EBF1: variants seen among roughly 807,000 people sequenced by gnomAD.
EBF1 encodes the protein EBF transcription factor 1, also known as transcription factor COE1.
In EBF1, 10 loss-of-function variants were observed where a neutral mutation model predicts 68.4. The observed-to-expected ratio is 0.15, with a 90% confidence interval of 0.09 to 0.25. EBF1 has a LOEUF of 0.25. EBF1 is among the 10% of genes least tolerant of loss of function. The pLI, the probability that EBF1 is intolerant of heterozygous loss-of-function variation, is 1.00. For synonymous variants in EBF1, 298 were observed against 299.8 expected (o/e 0.99, Z 0.06); for missense variants, 509 against 794.4 (o/e 0.64, Z 4.32).
At chr5:159,056,197 C>A (rs1774696151) in intron 6 of EBF1, among the ~76,000 whole-genome samples, 1 of 152,098 alleles carries the variant, frequency 6.6e-6, no homozygotes, top group Non-Finnish European at 1.5e-5. Flanking sequence ...AAAATTCCAC[C>A]TTTTAAAATT....
intron 6 of EBF1, among the ~76,000 whole-genome samples, chr5:158,959,984 T>G (rs924867741): frequency 6.6e-6 from 1 of 152,146 alleles, no homozygotes; most frequent in Admixed American, 6.5e-5. Context: ...AATAGCAGAA[T>G]TGACACCTAC....
intron 6 of EBF1, among the ~76,000 whole-genome samples, chr5:158,870,035 G>A (rs1368915732): frequency 6.6e-6 from 1 of 152,126 alleles, no homozygotes; most frequent in Non-Finnish European, 1.5e-5. Context: ...CTGCCACTGT[G>A]TATCAACAAG....
At chr5:158,882,364 C>T (rs1799056807) in intron 6 of EBF1, among the ~76,000 whole-genome samples, 1 of 152,138 alleles carries the variant, frequency 6.6e-6, no homozygotes, top group South Asian at 2.1e-4. Context: ...TGCTCATTGT[C>T]ACAGGAAAAA....
Position 158,698,860 on chromosome 5 carries a change from G to T in EBF1, c.*251C>A, listed in dbSNP as rs1581119302. ...AAAAAGAAAAAGTGGATTTGCTTTT[G>T]TCAATACAGAATAAATATATCCCCC... On this transcript the variant is annotated 3_prime_UTR_variant, in exon 16 of 16. Transcript: ENST00000313708. 1.6e-5 allele frequency: 6 copies of T among 372,540 alleles called. No homozygotes were observed. The highest frequency in any genetic ancestry group is 3.9e-5 in the East Asian group (1 of 25,940). 23.1% of individuals were successfully genotyped at this position (372,540 alleles called of 1,614,324 possible).
chr5:159,084,781 T>C, intron 4 of EBF1, 42 bp from the exon 5 acceptor site: 1 of 1,464,504 alleles, frequency 6.8e-7, no homozygotes, highest in South Asian at 1.3e-5. Flanking sequence ...TGGAAAGGAG[T>C]AGCAGAAAAA....
chr5:159,090,439 G>A (rs1781430670), intron 4 of EBF1, among the ~76,000 whole-genome samples: 2 of 152,078 alleles, frequency 1.3e-5, no homozygotes, highest in African/African-American at 2.4e-5. Flanking sequence ...GCTTCAATTA[G>A]CAGCTTGGCT....
chr5:158,817,416 A>G (rs1783973773), intron 8 of EBF1, among the ~76,000 whole-genome samples: 1 of 152,132 alleles, frequency 6.6e-6, no homozygotes, highest in Non-Finnish European at 1.5e-5. Flanking sequence ...AACTAATTCC[A>G]TTATTGTGGG....
At chr5:158,742,452 T>G (rs1056831674) in intron 10 of EBF1, among the ~76,000 whole-genome samples, 3 of 151,848 alleles carry the variant, frequency 2.0e-5, no homozygotes, top group African/African-American at 7.2e-5. Flanking sequence ...GTACAGTGAT[T>G]AGCACATAAA....
intron 6 of EBF1, among the ~76,000 whole-genome samples, chr5:158,865,724 C>T (rs926702214): frequency 2.0e-5 from 3 of 152,162 alleles, no homozygotes; most frequent in Non-Finnish European, 2.9e-5. Context: ...GCATATAATA[C>T]AATCACTCTA....
chr5:158,851,333 T>A (rs944539599), intron 6 of EBF1, among the ~76,000 whole-genome samples: 1 of 120,264 alleles, frequency 8.3e-6, no homozygotes, highest in Non-Finnish European at 1.6e-5. Context: ...TGAGACTGGG[T>A]GACAGAGTGA....
At chr5:159,024,093 C>G (rs1767250754) in intron 6 of EBF1, among the ~76,000 whole-genome samples, 1 of 152,142 alleles carries the variant, frequency 6.6e-6, no homozygotes, top group South Asian at 2.1e-4. Context: ...CCATAGTATT[C>G]TGATAAAATC....
At chr5:158,899,762 T>C (rs920287757) in intron 6 of EBF1, among the ~76,000 whole-genome samples, 17 of 152,352 alleles carry the variant, frequency 1.1e-4, no homozygotes, top group African/African-American at 4.1e-4. Flanking sequence ...TGAAGAGATA[T>C]TGAATGGAAT....
intron 6 of EBF1, among the ~76,000 whole-genome samples, chr5:158,911,699 G>A (rs1456412109): frequency 6.6e-6 from 1 of 152,112 alleles, no homozygotes; most frequent in African/African-American, 2.4e-5. Flanking sequence ...CCCTGGAATG[G>A]GATTCCTTGA....
At chr5:158,892,348 T>A (rs1801341119) in intron 6 of EBF1, among the ~76,000 whole-genome samples, 1 of 151,944 alleles carries the variant, frequency 6.6e-6, no homozygotes, top group South Asian at 2.1e-4. Flanking sequence ...AACTAGCCGG[T>A]TGTGGTGGTG....
intron 5 of EBF1, among the ~76,000 whole-genome samples, chr5:159,075,349 A>G (rs1024753298): frequency 6.6e-6 from 1 of 152,184 alleles, no homozygotes; most frequent in Non-Finnish European, 1.5e-5. Context: ...CAGAAGCAGC[A>G]GGTCTCCAAA....
chr5:158,814,714 C>T lies in EBF1; in HGVS notation c.778+8462G>A, dbSNP rs1313502295. On this transcript the variant is annotated intron_variant, in intron 8 of 15. Coordinates refer to ENST00000313708, the MANE Select transcript of EBF1 (RefSeq NM_024007.5). ...CACACCTTGTACACGTGCCAGAGAG[C>T]CCATATGGTCAACAAATGATTTCTA... Among the ~76,000 whole-genome samples, 3 of 152,130 alleles carry T rather than the reference C, an allele frequency of 2.0e-5. No homozygotes were observed. The East Asian group carries it at 5.8e-4, about 29-fold the overall frequency.
intron 6 of EBF1, among the ~76,000 whole-genome samples, chr5:158,850,795 T>C (rs536962933): frequency 3.3e-5 from 5 of 152,172 alleles, no homozygotes; most frequent in African/African-American, 1.2e-4. Flanking sequence ...TTGCTTGAGG[T>C]CAAGAGTTTG....
intron 11 of EBF1, among the ~76,000 whole-genome samples, chr5:158,724,821 A>C (rs1041941565): frequency 1.3e-5 from 2 of 152,232 alleles, no homozygotes; most frequent in African/African-American, 4.8e-5. Flanking sequence ...GTTCCAAATG[A>C]AAGTGCAGTC....
chr5:158,710,869 C>T (rs1759077388), intron 14 of EBF1, among the ~76,000 whole-genome samples: 1 of 152,206 alleles, frequency 6.6e-6, no homozygotes, highest in South Asian at 2.1e-4. Flanking sequence ...CCACAAATAT[C>T]TAAGAGTTTG....
Sources: gnomAD v4.1 joint callset for allele counts (sites outside exome capture counted in the v4.1 genomes callset) on GRCh38, gnomAD v4.1.1 for gene constraint, MANE v1.5 for transcripts, NCBI Gene and HGNC (gene_info 2026-07-23, HGNC 2026-07-21) for gene names.